GRM8: variants seen among roughly 807,000 people sequenced by gnomAD.
The protein encoded by GRM8 is metabotropic glutamate receptor 8.
GRM8 carries 47 observed loss-of-function variants against 87.2 expected under a neutral mutation model. The ratio of observed to expected loss-of-function variants is 0.54; its 90% CI spans 0.43 to 0.69. The LOEUF is 0.69. Among genes scored for constraint, GRM8 ranks in the 30% least tolerant of loss-of-function variants. The probability of loss-of-function intolerance (pLI) is 0.00; values close to 1 mark genes in which losing one functional copy is unlikely to be tolerated. For missense variants in GRM8, 1,019 were observed against 1,139.2 expected, an observed-to-expected ratio of 0.89 and a Z score of 1.52; for synonymous variants, 396 against 404.5, an observed-to-expected ratio of 0.98 and a Z score of 0.25.
chr7:127,230,242 A>G (rs187956894), intron 2 of GRM8, among the ~76,000 whole-genome samples: 122 of 151,898 alleles, frequency 8.0e-4, no homozygotes, highest in Admixed American at 2.6e-3. Flanking sequence ...TTTGTGTCCA[A>G]TGGAAGTTGG....
chr7:126,487,142 T>C (rs1275766379), intron 9 of GRM8, among the ~76,000 whole-genome samples: 1 of 152,074 alleles, frequency 6.6e-6, no homozygotes, highest in African/African-American at 2.4e-5. Flanking sequence ...GAGTGGCTTC[T>C]TTTTTTACAT....
intron 7 of GRM8, among the ~76,000 whole-genome samples, chr7:126,626,101 A>AGTGTGTGT (rs71312854): frequency 0.018 from 2,638 of 148,800 alleles, 42 homozygotes; most frequent in Admixed American, 0.041. Flanking sequence ...ATATGAGAGA[A>AGTGTGTGT]GTGTGTGTGT....
intron 9 of GRM8, among the ~76,000 whole-genome samples, chr7:126,532,404 G>T (rs886509584): frequency 6.6e-6 from 1 of 152,096 alleles, no homozygotes; most frequent in African/African-American, 2.4e-5. Flanking sequence ...TTTTATACGT[G>T]TGTGTGATTA....
intron 3 of GRM8, among the ~76,000 whole-genome samples, chr7:126,940,326 T>C (rs1469802669): frequency 6.6e-6 from 1 of 152,222 alleles, no homozygotes; most frequent in African/African-American, 2.4e-5. Flanking sequence ...GTTTCTGATA[T>C]AGTCACCACC....
chr7:127,158,563 G>A (rs1792882544), intron 2 of GRM8, among the ~76,000 whole-genome samples: 1 of 152,224 alleles, frequency 6.6e-6, no homozygotes, highest in Non-Finnish European at 1.5e-5. Context: ...TACATTCAGT[G>A]TCTCGTGAGG....
At chr7:126,501,290 T>C (rs1251435565) in intron 9 of GRM8, among the ~76,000 whole-genome samples, 3 of 152,022 alleles carry the variant, frequency 2.0e-5, no homozygotes, top group South Asian at 2.1e-4. Flanking sequence ...ACATTGAACA[T>C]TGGCTACCCA....
intron 2 of GRM8, among the ~76,000 whole-genome samples, chr7:127,107,008 G>A (rs1557645): frequency 0.23 from 34,567 of 151,914 alleles, 4,585 homozygotes; most frequent in Non-Finnish European, 0.32. Context: ...GTTGCTTTTT[G>A]TTGATGTTGC....
intron 7 of GRM8, among the ~76,000 whole-genome samples, chr7:126,652,229 G>A (rs7799835): frequency 0.31 from 46,727 of 152,094 alleles, 8,044 homozygotes; most frequent in East Asian, 0.43. Context: ...CATTTGGGTT[G>A]GGGATTGGTG....
At chr7:126,916,093 C>T (rs1019016174) in intron 3 of GRM8, among the ~76,000 whole-genome samples, 5 of 152,178 alleles carry the variant, frequency 3.3e-5, no homozygotes, top group African/African-American at 1.2e-4. Context: ...CCAATATGAA[C>T]AGACTCTCTG....
intron 3 of GRM8, among the ~76,000 whole-genome samples, chr7:126,910,014 TA>T (rs1008219519): frequency 1.4e-5 from 2 of 147,114 alleles, no homozygotes; most frequent in African/African-American, 2.5e-5. Flanking sequence ...TTTTTTTTTT[TA>T]AAACCCTGCC....
intron 6 of GRM8, among the ~76,000 whole-genome samples, chr7:126,847,398 C>A (rs185533911): frequency 6.6e-6 from 1 of 152,102 alleles, no homozygotes; most frequent in East Asian, 1.9e-4. Context: ...TAACAAAATG[C>A]CCCAAACTGA....
At chr7:126,684,173 A>G (rs1807916829) in intron 7 of GRM8, among the ~76,000 whole-genome samples, 1 of 152,200 alleles carries the variant, frequency 6.6e-6, no homozygotes, top group Non-Finnish European at 1.5e-5. Context: ...ATCACTGTAT[A>G]TGGAGTGGGC....
At chr7:126,956,497 T>A (rs904028301) in intron 3 of GRM8, among the ~76,000 whole-genome samples, 8 of 152,216 alleles carry the variant, frequency 5.3e-5, no homozygotes, top group African/African-American at 1.7e-4. Flanking sequence ...CCCTTTTTTT[T>A]ATTATACTTT....
At chr7:126,777,359 A>T (rs1462552970) in intron 6 of GRM8, among the ~76,000 whole-genome samples, 1 of 152,172 alleles carries the variant, frequency 6.6e-6, no homozygotes, top group Non-Finnish European at 1.5e-5. Flanking sequence ...CAAAAAGTCA[A>T]ATAACTTACC....
chr7:126,922,420 T>TA (rs35463688), intron 3 of GRM8, among the ~76,000 whole-genome samples: 23,233 of 148,144 alleles, frequency 0.16, 2,009 homozygotes, highest in Non-Finnish European at 0.21. Context: ...AAATGAAAGC[T>TA]AAAAAAAAAA....
chr7:126,866,458 CT>C (rs904042586), intron 6 of GRM8, among the ~76,000 whole-genome samples: 72 of 150,712 alleles, frequency 4.8e-4, no homozygotes, highest in African/African-American at 1.7e-3. Context: ...ATTTCTTATG[CT>C]TTTTGGTGGC....
At chr7:126,922,023 GA>G (rs771741653) in intron 3 of GRM8, among the ~76,000 whole-genome samples, 36 of 152,222 alleles carry the variant, frequency 2.4e-4, no homozygotes, top group South Asian at 2.1e-4. Context: ...GCCTCCAGAA[GA>G]ATCTCCAAGA....
chr7:126,836,861 G>A (rs1250322644), intron 6 of GRM8, among the ~76,000 whole-genome samples: 2 of 152,086 alleles, frequency 1.3e-5, no homozygotes, highest in South Asian at 2.1e-4. Flanking sequence ...TAACTAGCAC[G>A]TAGTACAAAC....
intron 7 of GRM8, among the ~76,000 whole-genome samples, chr7:126,636,723 A>G (rs893393064): frequency 1.3e-5 from 2 of 151,964 alleles, no homozygotes; most frequent in African/African-American, 4.8e-5. Context: ...AGGTTATCTC[A>G]TTAGTTAATT....
Sources: allele counts gnomAD v4.1 joint callset (sites outside exome capture counted in the v4.1 genomes callset), GRCh38; gene constraint gnomAD v4.1.1; transcripts MANE v1.5; gene names NCBI Gene and HGNC (gene_info 2026-07-23, HGNC 2026-07-21).